Variants in TBC1D9B observed in about 807,000 individuals in gnomAD.
TBC1D9B encodes TBC1 domain family, member 9B (with GRAM domain).
TBC1D9B carries 87 observed loss-of-function variants against 121.1 expected under a neutral mutation model. The ratio of observed to expected loss-of-function variants is 0.72; its 90% CI spans 0.60 to 0.86. TBC1D9B has a LOEUF of 0.86. Among genes scored for constraint, TBC1D9B ranks in the 40% least tolerant of loss-of-function variants. The pLI is 0.00. For missense variants in TBC1D9B, 1,540 were observed against 1,628.6 expected (o/e 0.95, Z 0.94); for synonymous variants, 668 against 670.1 (o/e 1.00, Z 0.05).
intron 5 of TBC1D9B, among the ~76,000 whole-genome samples, chr5:179,892,279 G>A (rs115520492): frequency 0.014 from 2,151 of 152,380 alleles, 57 homozygotes; most frequent in African/African-American, 0.049. Context: ...TTTCCAAAAG[G>A]TCCAACAAGC....
In TBC1D9B at chr5:179,878,675, T is replaced by C. The variant is rs574630741; in HGVS notation, c.1568-152A>G. On this transcript the variant is annotated intron_variant, in intron 9 of 20. Coordinates refer to ENST00000355235, the MANE Select transcript of TBC1D9B (RefSeq NM_015043.4). The stretch of plus-strand genomic sequence containing the variant: ...CGAGGCAAGGTTTCCCTTGTGCTCC[T>C]GGGGAGGGTGCTCTACCCGAAAGTT... The C allele has an allele frequency of 6.3e-6, 5 of 798,772 alleles. No individual in the cohort carries two copies. The East Asian group carries it at 1.3e-4, about 21-fold the overall frequency. 49.5% of individuals were successfully genotyped at this position (798,772 alleles called of 1,614,324 possible).
At position 179,878,362 on chromosome 5, in the gene TBC1D9B, G is replaced by T; in HGVS notation, c.1729C>A (p.Arg577=). The T allele has an allele frequency of 6.2e-7, 1 of 1,613,930 alleles. No homozygotes were observed. The highest frequency in any genetic ancestry group is 8.5e-7 in the Non-Finnish European group (1 of 1,179,986). The part of the protein sequence containing the change: ...FQNELGIAAL[R]RVLTAYAFRN... ...AAGGCATAGGCAGTCAGCACCCGCC[G>T]GAGGGCAGCAATCCCCAGCTCGTTC... Residue 577 remains arginine (R), a synonymous_variant, in exon 10 of 21, where the codon CGG becomes AGG. Coordinates refer to ENST00000355235, the MANE Select transcript of TBC1D9B (RefSeq NM_015043.4).
chr5:179,892,459 G>T (rs1380274165), intron 5 of TBC1D9B, among the ~76,000 whole-genome samples: 2 of 152,258 alleles, frequency 1.3e-5, no homozygotes, highest in African/African-American at 4.8e-5. Flanking sequence ...TGGTCAGGCT[G>T]GCTGTGGGAC....
rs558490332 is a variant in TBC1D9B, at chr5:179,881,019, C to T, written c.1255-1230G>A. Among the ~76,000 whole-genome samples the T allele has an allele frequency of 6.1e-4, 93 of 152,162 alleles. 2 individuals carry two copies. Among genetic ancestry groups the T allele is most frequent in the Middle Eastern group, 3.4e-3 (1 of 294 alleles). ...CTCAGTGCCAGGGAAGGAGCCACAC[C>T]GCCGGGTGTGTGGCGTGCAGCAGAC... On this transcript the variant is annotated intron_variant, in intron 7 of 20. Transcript: ENST00000355235.
chr5:179,874,570 C>T lies in TBC1D9B; in HGVS notation c.2186+332G>A, dbSNP rs1316736502. ...GGGACCACCTGGTGGACATGAAATG[C>T]CCAGCTGTGCCACCAACTGGAATTG... is the stretch of plus-strand genomic sequence containing the variant. On this transcript the variant is annotated intron_variant, in intron 12 of 20. Transcript: ENST00000355235. The surrounding 1 kb of genome is among the most constrained non-coding windows in gnomAD (Gnocchi z 4.3). Among the ~76,000 whole-genome samples, 1 of 152,182 alleles carries T rather than the reference C, an allele frequency of 6.6e-6. No individual in the cohort carries two copies. Among genetic ancestry groups the T allele is most frequent in the African/African-American group, 2.4e-5 (1 of 41,444 alleles).
intron 3 of TBC1D9B, among the ~76,000 whole-genome samples, chr5:179,896,731 C>G (rs544906884): frequency 6.6e-6 from 1 of 152,154 alleles, no homozygotes; most frequent in African/African-American, 2.4e-5. Flanking sequence ...GCCATGTTGG[C>G]CAGGCTGGTC....
At chr5:179,884,768 C>T (rs1389113224) in intron 7 of TBC1D9B, among the ~76,000 whole-genome samples, 1 of 152,214 alleles carries the variant, frequency 6.6e-6, no homozygotes, top group Non-Finnish European at 1.5e-5. Flanking sequence ...AGGGAAAATA[C>T]TATATGCTTC....
At chr5:179,892,915 G>C (rs1760905032) in intron 5 of TBC1D9B, among the ~76,000 whole-genome samples, 2 of 152,224 alleles carry the variant, frequency 1.3e-5, no homozygotes, top group African/African-American at 4.8e-5. Flanking sequence ...CAGCTTCCTT[G>C]TCTGATACCT....
At position 179,863,485 on chromosome 5, in the gene TBC1D9B, GTGC is replaced by G. The variant is rs1759906533; in HGVS notation, c.3662_3664del (p.Ser1221del). On this transcript the variant is annotated inframe_deletion, in exon 21 of 21. Transcript: ENST00000355235. The surrounding 1 kb of genome is among the most constrained non-coding windows in gnomAD (Gnocchi z 4.5). ...TCCAGGCTGCTCATGGTCACTGGCG[GTGC>G]TGAACTGTCTCTCCACTTTCTTTTG... 1 of 1,614,078 alleles carries G rather than the reference GTGC, an allele frequency of 6.2e-7. No homozygotes were observed. The highest frequency in any genetic ancestry group is 1.7e-5 in the Admixed American group (1 of 60,008).
chr5:179,864,128 C>G lies in TBC1D9B; in HGVS notation c.3022G>C (p.Glu1008Gln). ...GTCTTGCACAGCTCAATGAACTGCT[C>G]CTTTTAGGGAGAAAAACAGAAGAAC... ...TIKDLPKMNQ[E>Q]QFIELCKTLY... Residue 1008 changes from glutamate (E) to glutamine (Q), a missense_variant and splice_region_variant, in exon 21 of 21, where the codon GAG (glutamate) becomes CAG (glutamine). Coordinates refer to ENST00000355235, the MANE Select transcript of TBC1D9B (RefSeq NM_015043.4). 1 of 1,591,506 alleles carries G rather than the reference C, an allele frequency of 6.3e-7. No individual in the cohort carries two copies. Among genetic ancestry groups the G allele is most frequent in the Non-Finnish European group, 8.6e-7 (1 of 1,165,510 alleles).
intron 7 of TBC1D9B, chr5:179,880,082 G>A (rs1044774712): frequency 4.0e-6 from 2 of 500,320 alleles, no homozygotes; most frequent in African/African-American, 3.9e-5. Context: ...TTTCTGAGGG[G>A]GGTCAGTGCA....
At chr5:179,878,192 G>A (rs1240274804) in intron 10 of TBC1D9B, 117 bp downstream of exon 10, 9 of 1,026,002 alleles carry the variant, frequency 8.8e-6, no homozygotes, top group Admixed American at 5.4e-5. Context: ...TTTTTCTGCT[G>A]GGCTCCTTCC....
chr5:179,867,273 A>G (rs889069085), intron 18 of TBC1D9B: 4 of 704,012 alleles, frequency 5.7e-6, no homozygotes, highest in Non-Finnish European at 6.9e-6. Flanking sequence ...CACCTACAGC[A>G]GACACGGAGG....
chr5:179,872,851 C>T (rs1363316372), intron 14 of TBC1D9B, 41 bp downstream of exon 14: 4 of 1,490,460 alleles, frequency 2.7e-6, no homozygotes, highest in Non-Finnish European at 2.8e-6. Context: ...CACTGCTGCC[C>T]CCCCAGCCCA....
At chr5:179,881,628 C>T (rs2113623593) in intron 7 of TBC1D9B, among the ~76,000 whole-genome samples, 1 of 152,340 alleles carries the variant, frequency 6.6e-6, no homozygotes, top group Non-Finnish European at 1.5e-5. Flanking sequence ...ACCTCCATTA[C>T]TCTGTTGACC....
At position 179,874,839 on chromosome 5, in the gene TBC1D9B, GC is replaced by G; in HGVS notation, c.2186+62del. On this transcript the variant is annotated intron_variant, in intron 12 of 20. Coordinates refer to ENST00000355235, the MANE Select transcript of TBC1D9B (RefSeq NM_015043.4). This position sits in a 1 kb window ranked among gnomAD's most constrained non-coding sequence, Gnocchi z 4.3. ...AGTCACTTCAGGCTGACTGGACAGT[GC>G]CCGGGGCTGGTGAGGGGTTCTGCTG... 1 of 1,574,346 alleles carries G rather than the reference GC, an allele frequency of 6.4e-7. No homozygotes were observed. The highest frequency in any genetic ancestry group is 8.6e-7 in the Non-Finnish European group (1 of 1,163,174).
At chr5:179,872,862 G>T in intron 14 of TBC1D9B, 30 bp downstream of exon 14, 2 of 1,153,046 alleles carry the variant, frequency 1.7e-6, no homozygotes, top group Non-Finnish European at 2.5e-6. Context: ...CCCCAGCCCA[G>T]CCCCTGCCCA....
rs1479406059 is a variant in TBC1D9B at position 179,904,427 on chromosome 5, G to A, written c.229+275C>T. On this transcript the variant is annotated intron_variant, in intron 2 of 20. Coordinates refer to ENST00000355235, the MANE Select transcript of TBC1D9B (RefSeq NM_015043.4). The surrounding 1 kb of genome is among the most constrained non-coding windows in gnomAD (Gnocchi z 4.2). ...TTTTTAGTAGAGACGTGGTTTCACC[G>A]TGTTAGCCAGGATGGTCTCGATCTC... is the stretch of plus-strand genomic sequence containing the variant. 1.3e-5 allele frequency among the ~76,000 whole-genome samples: 2 copies of A among 152,030 alleles called. No individual in the cohort carries two copies. The highest frequency in any genetic ancestry group is 2.1e-4 in the South Asian group (1 of 4,820).
In TBC1D9B at chr5:179,865,919, A is replaced by G. The variant is rs201319982; in HGVS notation, c.2864-31T>C. The G allele has an allele frequency of 2.8e-5, 45 of 1,613,642 alleles. No individual in the cohort carries two copies. Among genetic ancestry groups the G allele is most frequent in the Middle Eastern group, 1.7e-4 (1 of 6,058 alleles). On this transcript the variant is annotated intron_variant, in intron 18 of 20. Transcript: ENST00000355235. This position sits in a 1 kb window ranked among gnomAD's most constrained non-coding sequence, Gnocchi z 5.1. ...CAAACGCAAAAATAAAAAGAACATG[A>G]ATAACATTCTGCTGTTGGGACTGCA...
Sources: gnomAD v4.1 joint callset for allele counts (sites outside exome capture counted in the v4.1 genomes callset) on GRCh38, gnomAD v4.1.1 for gene constraint, Gnocchi (gnomAD v3.1) non-coding constraint, MANE v1.5 for transcripts, NCBI Gene and HGNC (gene_info 2026-07-23, HGNC 2026-07-21) for gene names.